Variants in AQP9 observed in about 807,000 individuals in gnomAD.
AQP9 encodes aquaporin 9.
Under a neutral mutation model 23.8 loss-of-function variants are expected in AQP9, and 19 were observed. The ratio of observed to expected loss-of-function variants is 0.80; its 90% CI spans 0.56 to 1.17. The LOEUF is 1.17. AQP9 is among the 50% of genes most tolerant of loss of function. AQP9 has a pLI of 0.00. For missense variants in AQP9, 413 were observed against 362.0 expected (o/e 1.14, Z -1.14); for synonymous variants, 153 against 131.5 (o/e 1.16, Z -1.12).
At chr15:58,183,581 T>A (rs144384755) in intron 5 of AQP9, among the ~76,000 whole-genome samples, 41 of 152,286 alleles carry the variant, frequency 2.7e-4, no homozygotes, top group African/African-American at 9.9e-4. Context: ...CAGGAATCTC[T>A]CCACATTCTG....
chr15:58,159,574 A>G (rs1414511793), intron 1 of AQP9, among the ~76,000 whole-genome samples: 1 of 152,164 alleles, frequency 6.6e-6, no homozygotes, highest in Non-Finnish European at 1.5e-5. Context: ...TGTTAACTAT[A>G]GTCATGTTAC....
chr15:58,175,499 T>C (rs1663245), intron 4 of AQP9, among the ~76,000 whole-genome samples: 66,587 of 152,130 alleles, frequency 0.44, 16,375 homozygotes, highest in Admixed American at 0.59. Context: ...TCAAGGTGGC[T>C]AGAAGTATCT....
rs558636295 is a variant in AQP9 at position 58,182,645 on chromosome 15, C to A, written c.714-1316C>A. On this transcript the variant is annotated intron_variant, in intron 5 of 5. Transcript: ENST00000219919. ...GGCAGCCACCCTCCATGTGCCTCCC[C>A]TAGAAAAATCCATCTGGATTTGGGG... 2.5e-3 allele frequency among the ~76,000 whole-genome samples: 377 copies of A among 152,276 alleles called. 3 individuals carry two copies. Among genetic ancestry groups the A allele is most frequent in the Non-Finnish European group, 2.2e-3 (150 of 68,012 alleles).
At chr15:58,149,493 G>A (rs549186549) in intron 1 of AQP9, among the ~76,000 whole-genome samples, 1 of 152,322 alleles carries the variant, frequency 6.6e-6, no homozygotes, top group South Asian at 2.1e-4. Context: ...TTCCTAGTTT[G>A]TAAAATGGAG....
chr15:58,169,809 GCTGT>G (rs1898581776), intron 2 of AQP9, among the ~76,000 whole-genome samples: 1 of 152,160 alleles, frequency 6.6e-6, no homozygotes, highest in African/African-American at 2.4e-5. Context: ...AAGCATTTAG[GCTGT>G]CTAATGGCAA....
intron 5 of AQP9, among the ~76,000 whole-genome samples, chr15:58,181,467 A>G (rs1244313192): frequency 3.9e-5 from 6 of 152,200 alleles, no homozygotes; most frequent in African/African-American, 1.4e-4. Context: ...GAATTATGGG[A>G]GTGGAAGTGG....
At chr15:58,168,762 C>G (rs999000552) in intron 2 of AQP9, among the ~76,000 whole-genome samples, 2 of 152,148 alleles carry the variant, frequency 1.3e-5, no homozygotes, top group Non-Finnish European at 2.9e-5. Context: ...AAGGCAAACT[C>G]CAAGAAGGGC....
In AQP9 at chr15:58,184,374, C is replaced by G. The variant is rs1440619008; in HGVS notation, c.*239C>G. The G allele has an allele frequency of 4.6e-6, 2 of 432,562 alleles. No homozygotes were observed. The highest frequency in any genetic ancestry group is 4.1e-5 in the African/African-American group (2 of 49,076). 26.8% of individuals were successfully genotyped at this position (432,562 alleles called of 1,614,324 possible). ...GCTGACTGTCCCCTGAAACAGCCTTCTCTCCTGCCCTGTTTATTTCATCCT... is the reference window on the plus strand; with the variant it reads ...GCTGACTGTCCCCTGAAACAGCCTTGTCTCCTGCCCTGTTTATTTCATCCT... On this transcript the variant is annotated 3_prime_UTR_variant, in exon 6 of 6. Coordinates refer to ENST00000219919, the MANE Select transcript of AQP9 (RefSeq NM_020980.5).
At position 58,179,235 on chromosome 15, in the gene AQP9, T is replaced by G. The variant is rs1202508861; in HGVS notation, c.603T>G (p.Ile201Met). Residue 201 changes from isoleucine (I) to methionine (M), a missense_variant, in exon 5 of 6, where the codon ATT becomes ATG. Physicochemically the swap from Ile to Met is conservative, Grantham distance 10 (BLOSUM62 1). Coordinates refer to ENST00000219919, the MANE Select transcript of AQP9 (RefSeq NM_020980.5). The part of the protein sequence containing the change: ...LEPIAIGLLI[I>M]VIASSLGLNS... The stretch of plus-strand genomic sequence containing the variant: ...CCATTGCCATCGGCCTCCTGATTAT[T>G]GTCATTGCTTCCTCCCTGGGACTGA... The G allele has an allele frequency of 6.2e-7, 1 of 1,614,166 alleles. No individual in the cohort carries two copies. The highest frequency in any genetic ancestry group is 8.5e-7 in the Non-Finnish European group (1 of 1,179,996).
Position 58,138,407 on chromosome 15 carries a change from C to T in AQP9, c.-159C>T. On this transcript the variant is annotated 5_prime_UTR_variant, in exon 1 of 6. Transcript: ENST00000219919. ...CACCAGAAGACGATTAAGCCACAGC[C>T]TCTAATTGGAACGGCATTTGTACAG... is the stretch of plus-strand genomic sequence containing the variant. 2 of 574,990 alleles carry T rather than the reference C, an allele frequency of 3.5e-6. No homozygotes were observed. The highest frequency in any genetic ancestry group is 2.9e-5 in the East Asian group (1 of 34,600). 35.6% of individuals were successfully genotyped at this position (574,990 alleles called of 1,614,324 possible).
intron 1 of AQP9, chr15:58,154,816 GGA>G (rs1386767234): frequency 6.6e-6 from 1 of 152,364 alleles, no homozygotes; most frequent in African/African-American, 2.4e-5. Context: ...CCCATAAATA[GGA>G]GACAGTTTCG....
chr15:58,179,536 T>TGTGA (rs1296837144), intron 5 of AQP9, among the ~76,000 whole-genome samples, 191 bp downstream of exon 5: 4 of 150,862 alleles, frequency 2.7e-5, no homozygotes, highest in African/African-American at 9.8e-5. Flanking sequence ...TGTGTGTGTG[T>TGTGA]GAAAGAGAGA....
At chr15:58,149,384 C>T (rs1364014883) in intron 1 of AQP9, among the ~76,000 whole-genome samples, 3 of 152,230 alleles carry the variant, frequency 2.0e-5, no homozygotes, top group Non-Finnish European at 4.4e-5. Flanking sequence ...CCTCCTTCAC[C>T]TATTGCTGGT....
chr15:58,143,200 G>T (rs1479684258), intron 1 of AQP9, among the ~76,000 whole-genome samples: 1 of 152,146 alleles, frequency 6.6e-6, no homozygotes, highest in African/African-American at 2.4e-5. Context: ...TGGGAGTTCT[G>T]TCCCTTTAAG....
At position 58,171,834 on chromosome 15, in the gene AQP9, G is replaced by GATCATC. The variant is rs34291701; in HGVS notation, c.239-1205_239-1200dup. 5.0e-3 allele frequency among the ~76,000 whole-genome samples: 754 copies of GATCATC among 149,934 alleles called. 8 individuals carry two copies. The highest frequency in any genetic ancestry group is 0.029 in the East Asian group (147 of 5,026). ...AAGTGCACCTATTGGTTCTGTGCAG[G>GATCATC]ATCATCATCATCATCATCATCATCA... On this transcript the variant is annotated intron_variant, in intron 2 of 5. Transcript: ENST00000219919.
Position 58,166,712 on chromosome 15 carries a change from C to A in AQP9, c.151C>A (p.Arg51=), listed in dbSNP as rs370192849. 5.0e-6 allele frequency: 8 copies of A among 1,613,112 alleles called. No homozygotes were observed. In the African/African-American group the frequency reaches 1.1e-4, roughly 22 times the overall value. ...CGCVAQAILS[R]GRFGGVITIN... is the part of the protein sequence containing the mutation. ...CTGTGTTGCCCAAGCTATTCTCAGT[C>A]GAGGACGTTTTGGAGGGGTCATCAC... Residue 51 remains arginine, a synonymous_variant, in exon 2 of 6, where the codon CGA becomes AGA. Transcript: ENST00000219919.
intron 5 of AQP9, among the ~76,000 whole-genome samples, chr15:58,183,224 T>C (rs1029083860): frequency 2.0e-5 from 3 of 152,234 alleles, no homozygotes; most frequent in African/African-American, 7.2e-5. Flanking sequence ...TTAAACAATA[T>C]ACTGTATAAT....
In AQP9 at chr15:58,184,392, T is replaced by G; in HGVS notation, c.*257T>G. ...CAGCCTTCTCTCCTGCCCTGTTTATTTCATCCTCGATGGGAATTCTTGCTA... is the reference window on the plus strand; with the variant it reads ...CAGCCTTCTCTCCTGCCCTGTTTATGTCATCCTCGATGGGAATTCTTGCTA... On this transcript the variant is annotated 3_prime_UTR_variant, in exon 6 of 6. Coordinates refer to ENST00000219919, the MANE Select transcript of AQP9 (RefSeq NM_020980.5). 5.3e-6 allele frequency: 2 copies of G among 379,474 alleles called. No homozygotes were observed. The highest frequency in any genetic ancestry group is 2.1e-5 in the African/African-American group (1 of 48,718). 23.5% of individuals were successfully genotyped at this position (379,474 alleles called of 1,614,324 possible). A position where few individuals can be genotyped will look rare whatever the true frequency, so the allele number is the denominator to read the frequency against.
At chr15:58,165,206 G>A (rs961998168) in intron 1 of AQP9, among the ~76,000 whole-genome samples, 2 of 152,068 alleles carry the variant, frequency 1.3e-5, no homozygotes, top group Admixed American at 6.6e-5. Flanking sequence ...TTAAACTACA[G>A]CATGGTGAAA....
Sources: allele counts gnomAD v4.1 joint callset (sites outside exome capture counted in the v4.1 genomes callset), GRCh38; gene constraint gnomAD v4.1.1; transcripts MANE v1.5; gene names NCBI Gene and HGNC (gene_info 2026-07-23, HGNC 2026-07-21).